Variants in GALNTL5 observed in about 807,000 individuals in gnomAD.
The protein encoded by GALNTL5 is polypeptide N-acetylgalactosaminyltransferase like 5.
A neutral mutation model predicts 51.0 loss-of-function variants in GALNTL5; 44 were observed. The observed-to-expected ratio is 0.86, with a 90% CI of 0.68 to 1.11. GALNTL5 has a LOEUF of 1.11. Ranked by LOEUF, GALNTL5 falls within the 50% of genes least tolerant of loss-of-function variation. GALNTL5 has a pLI of 0.00. For missense variants in GALNTL5, 528 were observed against 531.8 expected (o/e 0.99, Z 0.07); for synonymous variants, 192 against 182.8 (o/e 1.05, Z -0.41).
At chr7:151,985,555 G>A (rs1220844509) in intron 4 of GALNTL5, among the ~76,000 whole-genome samples, 1 of 152,182 alleles carries the variant, frequency 6.6e-6, no homozygotes, top group Non-Finnish European at 1.5e-5. Context: ...CAGCTTGGGG[G>A]AGCAGGGCCA....
At chr7:152,010,004 A>G (rs936249267) in intron 7 of GALNTL5, among the ~76,000 whole-genome samples, 2 of 152,248 alleles carry the variant, frequency 1.3e-5, no homozygotes, top group Admixed American at 1.3e-4. Flanking sequence ...GAGCATTGAG[A>G]AGAAGACACA....
At chr7:152,011,490 C>T (rs1369437732) in intron 7 of GALNTL5, among the ~76,000 whole-genome samples, 1 of 152,252 alleles carries the variant, frequency 6.6e-6, no homozygotes, top group African/African-American at 2.4e-5. Context: ...TCCCCAGATG[C>T]TGGCAAGGTG....
In GALNTL5 at chr7:151,969,827, G is replaced by A. The variant is rs145737036; in HGVS notation, c.248-1118G>A. On this transcript the variant is annotated intron_variant, in intron 2 of 8. Transcript: ENST00000392800. ...TTGTTTTGTTTTGTTTTGCTTTTGA[G>A]ATGGAGTCTCGCTCTGTCGCCCAGG... is the stretch of plus-strand genomic sequence containing the variant. 4.7e-3 allele frequency among the ~76,000 whole-genome samples: 721 copies of A among 152,322 alleles called. 2 individuals are homozygous for A. Among genetic ancestry groups the A allele is most frequent in the African/African-American group, 0.017 (690 of 41,578 alleles).
At chr7:151,989,745 C>A (rs1160133763) in intron 5 of GALNTL5, among the ~76,000 whole-genome samples, 1 of 152,122 alleles carries the variant, frequency 6.6e-6, no homozygotes, top group African/African-American at 2.4e-5. Flanking sequence ...ATGAATATGG[C>A]CCGTCTTTTT....
At chr7:152,004,811 C>T (rs1222658076) in intron 6 of GALNTL5, among the ~76,000 whole-genome samples, 2 of 152,136 alleles carry the variant, frequency 1.3e-5, no homozygotes, top group Non-Finnish European at 2.9e-5. Context: ...GAATAGTATT[C>T]CATTGTGTAT....
intron 4 of GALNTL5, among the ~76,000 whole-genome samples, 181 bp from the exon 5 acceptor site, chr7:151,986,978 C>T (rs1473528336): frequency 1.3e-5 from 2 of 152,084 alleles, no homozygotes; most frequent in Non-Finnish European, 1.5e-5. Context: ...CTGCCTGCCT[C>T]GGCCTCCCAA....
intron 2 of GALNTL5, among the ~76,000 whole-genome samples, chr7:151,969,437 G>A (rs1469075987): frequency 1.3e-5 from 2 of 152,156 alleles, no homozygotes; most frequent in Non-Finnish European, 2.9e-5. Flanking sequence ...AATGGACTCA[G>A]AGACCCAGAG....
chr7:152,010,045 G>A (rs2081708974), intron 7 of GALNTL5, among the ~76,000 whole-genome samples: 1 of 152,056 alleles, frequency 6.6e-6, no homozygotes, highest in Non-Finnish European at 1.5e-5. Flanking sequence ...GCAACAATAT[G>A]TATTGAGTAC....
chr7:151,957,699 G>A (rs2080943114), intron 1 of GALNTL5: 1 of 152,114 alleles, frequency 6.6e-6, no homozygotes, highest in African/African-American at 2.4e-5. Flanking sequence ...CATCTGCTAA[G>A]TCTCTTTAAT....
intron 7 of GALNTL5, among the ~76,000 whole-genome samples, chr7:152,010,137 G>A (rs112849060): frequency 0.013 from 2,038 of 151,002 alleles, 45 homozygotes; most frequent in African/African-American, 0.048. Flanking sequence ...TTTTTGAGAC[G>A]GAGTCTTGCT....
chr7:151,991,757 A>G (rs2081431563), intron 5 of GALNTL5, among the ~76,000 whole-genome samples: 1 of 152,148 alleles, frequency 6.6e-6, no homozygotes, highest in South Asian at 2.1e-4. Context: ...GATTTGTAGG[A>G]CAAATCTTTC....
chr7:152,016,404 C>CAA (rs76767847), intron 8 of GALNTL5, among the ~76,000 whole-genome samples: 3 of 109,610 alleles, frequency 2.7e-5, no homozygotes, highest in Non-Finnish European at 3.9e-5. Flanking sequence ...AACTCCGTCT[C>CAA]AAAAAAAAAA....
chr7:152,007,399 T>C (rs2081658413), intron 6 of GALNTL5, among the ~76,000 whole-genome samples: 1 of 150,650 alleles, frequency 6.6e-6, no homozygotes, highest in African/African-American at 2.4e-5. Flanking sequence ...ATAATTTTAG[T>C]ATTAATGTTT....
At chr7:152,004,397 A>G (rs1317716124) in intron 6 of GALNTL5, among the ~76,000 whole-genome samples, 1 of 151,132 alleles carries the variant, frequency 6.6e-6, no homozygotes, top group Non-Finnish European at 1.5e-5. Context: ...ATAAGAAAAC[A>G]TAAGTTATTT....
At chr7:151,958,400 G>A (rs567650483) in intron 1 of GALNTL5, among the ~76,000 whole-genome samples, 26 of 152,312 alleles carry the variant, frequency 1.7e-4, no homozygotes, top group African/African-American at 5.1e-4. Flanking sequence ...GATGCCAACC[G>A]CCACAGAGCC....
At chr7:151,979,456 A>AT (rs892095553) in intron 3 of GALNTL5, among the ~76,000 whole-genome samples, 1 of 146,862 alleles carries the variant, frequency 6.8e-6, no homozygotes, top group Non-Finnish European at 1.5e-5. Context: ...CCCAGCAAGG[A>AT]TTTTTTTTGG....
chr7:152,000,161 C>A (rs1464633174), intron 5 of GALNTL5, among the ~76,000 whole-genome samples: 1 of 152,202 alleles, frequency 6.6e-6, no homozygotes, highest in African/African-American at 2.4e-5. Context: ...GAACAAAGGA[C>A]ACTTGCTTTT....
chr7:152,006,782 T>TG (rs200148435), intron 6 of GALNTL5, among the ~76,000 whole-genome samples: 45 of 151,436 alleles, frequency 3.0e-4, no homozygotes, highest in African/African-American at 6.3e-4. Flanking sequence ...TTCTTTTTTT[T>TG]GGGGGGGGCG....
chr7:151,959,454 T>A (rs1183488523), intron 1 of GALNTL5, among the ~76,000 whole-genome samples: 1 of 152,208 alleles, frequency 6.6e-6, no homozygotes, highest in Admixed American at 6.5e-5. Flanking sequence ...ATTGGCATAA[T>A]CAAATATTTC....
Sources: allele counts gnomAD v4.1 joint callset (sites outside exome capture counted in the v4.1 genomes callset), GRCh38; gene constraint gnomAD v4.1.1; transcripts MANE v1.5; gene names NCBI Gene and HGNC (gene_info 2026-07-23, HGNC 2026-07-21).